Variants in FRK observed in about 807,000 individuals in gnomAD.
FRK encodes the protein fyn related Src family tyrosine kinase.
Under a neutral mutation model 56.4 loss-of-function variants are expected in FRK, and 51 were observed. The observed-to-expected ratio is 0.90, with a 90% CI of 0.72 to 1.14. The LOEUF (loss-of-function observed/expected upper bound fraction) is 1.14. Ranked by LOEUF, FRK falls within the 50% of genes most tolerant of loss-of-function variation. The pLI, the probability that FRK is intolerant of heterozygous loss-of-function variation, is 0.00. For missense variants in FRK, 570 were observed against 601.4 expected (o/e 0.95, Z 0.55); for synonymous variants, 245 against 217.9 (o/e 1.12, Z -1.10).
chr6:115,996,545 T>C (rs1329029138), intron 2 of FRK, among the ~76,000 whole-genome samples: 1 of 152,136 alleles, frequency 6.6e-6, no homozygotes, highest in Non-Finnish European at 1.5e-5. Context: ...TGTGAAATTG[T>C]CTTTCTAAAA....
chr6:115,948,851 T>C (rs1174808451), intron 5 of FRK, among the ~76,000 whole-genome samples: 1 of 152,204 alleles, frequency 6.6e-6, no homozygotes, highest in Admixed American at 6.5e-5. Context: ...GAAGATAACA[T>C]CAGTGCTATG....
the FRK span, among the ~76,000 whole-genome samples, chr6:116,086,366 C>G: frequency 6.6e-6 from 1 of 152,018 alleles, no homozygotes. Context: ...ATCCATAAAC[C>G]TAAGTTCCTA....
intron 1 of FRK, among the ~76,000 whole-genome samples, chr6:116,017,528 G>T (rs1329316520): frequency 6.6e-6 from 1 of 152,174 alleles, no homozygotes; most frequent in African/African-American, 2.4e-5. Context: ...TTTGCCAACA[G>T]TTCTTTGCCC....
intron 2 of FRK, among the ~76,000 whole-genome samples, chr6:115,996,320 C>T (rs1000162367): frequency 6.6e-6 from 1 of 152,090 alleles, no homozygotes; most frequent in Non-Finnish European, 1.5e-5. Flanking sequence ...AAACTTAGAA[C>T]ATTTTGTGAT....
In FRK at chr6:115,994,331, C is replaced by A. The variant is rs112050219; in HGVS notation, c.466+9546G>T. On this transcript the variant is annotated intron_variant, in intron 2 of 7. Transcript: ENST00000606080. ...ATCCAGAATCTCACAACCTCCCCCC[C>A]CCCCGCCTTTTTTTTGTCATTATAC... is the stretch of plus-strand genomic sequence containing the variant. Among the ~76,000 whole-genome samples, 36 of 106,678 alleles carry A rather than the reference C, an allele frequency of 3.4e-4. 8 individuals are homozygous for A. The highest frequency in any genetic ancestry group is 4.6e-4 in the Non-Finnish European group (21 of 45,848). 70.0% of individuals were successfully genotyped at this position (106,678 alleles called of 152,430 possible). A position where few individuals can be genotyped will look rare whatever the true frequency, so the allele number is the denominator to read the frequency against.
intron 2 of FRK, among the ~76,000 whole-genome samples, chr6:115,997,885 A>T (rs1452647082): frequency 6.6e-6 from 1 of 152,300 alleles, no homozygotes; most frequent in East Asian, 1.9e-4. Context: ...CCCACAGGCC[A>T]AGTGATTTCC....
chr6:115,943,805 A>G (rs1772304526), intron 6 of FRK, among the ~76,000 whole-genome samples: 3 of 152,162 alleles, frequency 2.0e-5, no homozygotes, highest in Admixed American at 1.3e-4. Context: ...CCTATATAGT[A>G]TCTTTCAGAC....
chr6:115,958,792 GAAA>G (rs1461542803), intron 4 of FRK, among the ~76,000 whole-genome samples: 1 of 71,664 alleles, frequency 1.4e-5, no homozygotes, highest in Non-Finnish European at 2.8e-5. Flanking sequence ...GAGAGAGAAA[GAAA>G]GAAAAAGAAA....
Position 115,934,980 on chromosome 6 carries a change from T to C in FRK, c.*7434A>G, listed in dbSNP as rs1772019147. On this transcript the variant is annotated 3_prime_UTR_variant, in exon 8 of 8. Transcript: ENST00000606080. ...AACTTTCATAACCAAGTTTGGACATTATTCCTAGCCTCTAGTTCTGAAATA... is the reference window on the plus strand; with the variant it reads ...AACTTTCATAACCAAGTTTGGACATCATTCCTAGCCTCTAGTTCTGAAATA... The C allele has an allele frequency of 1.3e-5, 2 of 152,098 alleles. No homozygotes were observed. Among genetic ancestry groups the C allele is most frequent in the Admixed American group, 1.3e-4 (2 of 15,282 alleles). 9.4% of individuals were successfully genotyped at this position (152,098 alleles called of 1,614,324 possible).
intron 1 of FRK, among the ~76,000 whole-genome samples, chr6:116,046,968 A>G (rs573673296): frequency 1.3e-5 from 2 of 151,708 alleles, no homozygotes; most frequent in Non-Finnish European, 2.9e-5. Context: ...TGCCCCCATA[A>G]TCTACTGCCT....
At chr6:116,096,114 C>T in the FRK span, among the ~76,000 whole-genome samples, 4 of 152,174 alleles carry the variant, frequency 2.6e-5, no homozygotes, top group Admixed American at 6.5e-5. Context: ...ACAAATGGAA[C>T]CACAAATGAG....
chr6:116,009,569 TA>T (rs940087493), intron 1 of FRK, among the ~76,000 whole-genome samples: 1 of 152,198 alleles, frequency 6.6e-6, no homozygotes, highest in African/African-American at 2.4e-5. Flanking sequence ...ATTGATATTT[TA>T]AAAAATAATC....
At chr6:115,948,752 G>C (rs1288816047) in intron 5 of FRK, among the ~76,000 whole-genome samples, 2 of 152,166 alleles carry the variant, frequency 1.3e-5, no homozygotes, top group African/African-American at 4.8e-5. Context: ...AGCTTAGCAA[G>C]TTCCATGTTT....
At chr6:116,001,643 T>A (rs1347486809) in intron 2 of FRK, among the ~76,000 whole-genome samples, 1 of 152,192 alleles carries the variant, frequency 6.6e-6, no homozygotes, top group African/African-American at 2.4e-5. Context: ...TATTGACCAC[T>A]CAGAACTAAG....
At chr6:116,047,158 A>C (rs1271942015) in intron 1 of FRK, among the ~76,000 whole-genome samples, 1 of 151,992 alleles carries the variant, frequency 6.6e-6, no homozygotes, top group Non-Finnish European at 1.5e-5. Context: ...ACAAAAACTG[A>C]TGAATTTTTC....
Position 115,966,062 on chromosome 6 carries a change from TA to T in FRK, c.799+1488del, listed in dbSNP as rs59379013. Among the ~76,000 whole-genome samples, 251 of 126,596 alleles carry T rather than the reference TA, an allele frequency of 2.0e-3. 6 individuals carry two copies. Among genetic ancestry groups the T allele is most frequent in the Middle Eastern group, 8.3e-3 (2 of 240 alleles). The allele number at this position is 126,596 out of a possible 152,430, so 83.1% of individuals were successfully genotyped here. On this transcript the variant is annotated intron_variant, in intron 4 of 7. Coordinates refer to ENST00000606080, the MANE Select transcript of FRK (RefSeq NM_002031.3). ...ACTTAAAGTATAATAAAAAAAAAAT[TA>T]AAAAAAAAAAGAAATACTTAAAAAA...
chr6:116,094,964 T>C, the FRK span, among the ~76,000 whole-genome samples: 1 of 152,362 alleles, frequency 6.6e-6, no homozygotes, highest in Middle Eastern at 3.4e-3. Flanking sequence ...CCAGGGTAAA[T>C]TTAAAACCTA....
intron 1 of FRK, among the ~76,000 whole-genome samples, chr6:116,026,268 C>T (rs758542236): frequency 2.0e-5 from 3 of 152,026 alleles, no homozygotes; most frequent in South Asian, 2.1e-4. Context: ...TAGCTATATA[C>T]GCTATGGCTA....
chr6:116,083,574 T>C, the FRK span, among the ~76,000 whole-genome samples: 1 of 152,152 alleles, frequency 6.6e-6, no homozygotes, highest in African/African-American at 2.4e-5. Context: ...CTAATATACA[T>C]TGGAATCATC....
Sources: allele counts gnomAD v4.1 joint callset (sites outside exome capture counted in the v4.1 genomes callset), GRCh38; gene constraint gnomAD v4.1.1; transcripts MANE v1.5; gene names NCBI Gene and HGNC (gene_info 2026-07-23, HGNC 2026-07-21).